Variants in GABARAPL2 observed in about 807,000 individuals in gnomAD.
The protein encoded by GABARAPL2 is GABA type A receptor associated protein like 2.
A neutral mutation model predicts 16.9 loss-of-function variants in GABARAPL2; 11 were observed. The ratio of observed to expected loss-of-function variants is 0.65; its 90% CI spans 0.41 to 1.08. The LOEUF (loss-of-function observed/expected upper bound fraction) is 1.08. Among genes scored for constraint, GABARAPL2 ranks in the 50% least tolerant of loss-of-function variants. The pLI is 0.00. For synonymous variants in GABARAPL2, 57 were observed against 50.7 expected (o/e 1.12, Z -0.53); for missense variants, 134 against 142.5 (o/e 0.94, Z 0.30).
intron 3 of GABARAPL2, among the ~76,000 whole-genome samples, chr16:75,573,227 C>T (rs2080926984): frequency 6.6e-6 from 1 of 152,268 alleles, no homozygotes; most frequent in Admixed American, 6.5e-5. Context: ...TCTCCCTGCA[C>T]TTCCATTTGC....
At chr16:75,566,571 GC>G in intron 1 of GABARAPL2, 51 bp downstream of exon 1, 1 of 1,594,320 alleles carries the variant, frequency 6.3e-7, no homozygotes, top group South Asian at 1.1e-5. Flanking sequence ...CGGCGGGTGG[GC>G]CCCCTCCCCC....
chr16:75,577,033 A>G, intron 3 of GABARAPL2: 1 of 386,564 alleles, frequency 2.6e-6, no homozygotes, highest in Admixed American at 4.0e-5. Flanking sequence ...AGCCAGCCAA[A>G]GCCCCCTGAA....
intron 3 of GABARAPL2, among the ~76,000 whole-genome samples, chr16:75,569,543 C>T (rs1214133080): frequency 2.0e-5 from 3 of 152,224 alleles, no homozygotes; most frequent in African/African-American, 7.2e-5. Flanking sequence ...TCTTTCATAA[C>T]ATCTGCAACT....
chr16:75,566,979 A>G (rs182503917), intron 2 of GABARAPL2, 72 bp downstream of exon 2: 2 of 1,266,254 alleles, frequency 1.6e-6, no homozygotes, highest in Non-Finnish European at 2.3e-6. Context: ...GCCCCAGGCC[A>G]TTCAACAGTT....
intron 3 of GABARAPL2, chr16:75,572,486 C>T (rs2080921321): frequency 6.6e-6 from 1 of 152,340 alleles, no homozygotes; most frequent in Non-Finnish European, 1.5e-5. Context: ...GATTGGGCAT[C>T]CATACAGTTC....
intron 3 of GABARAPL2, among the ~76,000 whole-genome samples, chr16:75,570,456 G>T (rs1458235375): frequency 6.6e-6 from 1 of 152,158 alleles, no homozygotes; most frequent in African/African-American, 2.4e-5. Flanking sequence ...TTCCTTAGGG[G>T]AGCATGGAGC....
rs555929711 is a variant in GABARAPL2 at position 75,567,583 on chromosome 16, C to T, written c.91-454C>T. Among the ~76,000 whole-genome samples the T allele has an allele frequency of 4.6e-5, 7 of 152,296 alleles. No individual in the cohort carries two copies. In the South Asian group the frequency reaches 1.4e-3, roughly 32 times the overall value. On this transcript the variant is annotated intron_variant, in intron 2 of 3. Coordinates refer to ENST00000037243, the MANE Select transcript of GABARAPL2 (RefSeq NM_007285.7). ...AACTTGTTCAGAGAGGAGCAACAGG[C>T]CAAATGAAGAACTTGGTTCTTGGCT...
chr16:75,570,485 A>C (rs1367319076), intron 3 of GABARAPL2, among the ~76,000 whole-genome samples: 1 of 152,136 alleles, frequency 6.6e-6, no homozygotes, highest in East Asian at 1.9e-4. Context: ...ACCTTCATGC[A>C]GTGCTTGCTG....
chr16:75,568,440 C>T (rs2080896600), intron 3 of GABARAPL2: 2 of 380,024 alleles, frequency 5.3e-6, no homozygotes, highest in Non-Finnish European at 9.5e-6. Flanking sequence ...TGATGAAACT[C>T]AGCCTAAGAT....
intron 3 of GABARAPL2, chr16:75,575,896 G>T (rs764576661): frequency 3.3e-5 from 5 of 152,170 alleles, no homozygotes; most frequent in African/African-American, 1.2e-4. Flanking sequence ...TCAAAATTGA[G>T]CTATTTTGCT....
rs1031328987 is a variant in GABARAPL2, at chr16:75,568,016, G to T, written c.91-21G>T. 6.3e-6 allele frequency: 10 copies of T among 1,586,900 alleles called. No individual in the cohort carries two copies. In the African/African-American group the frequency reaches 1.3e-4, roughly 21 times the overall value. ...GCCTCGCTTTAGGAAACACAGTCCTGACCTCTCTTTACTTTCCCAGGTGAT... is the reference window on the plus strand; with the variant it reads ...GCCTCGCTTTAGGAAACACAGTCCTTACCTCTCTTTACTTTCCCAGGTGAT... On this transcript the variant is annotated intron_variant, in intron 2 of 3. Coordinates refer to ENST00000037243, the MANE Select transcript of GABARAPL2 (RefSeq NM_007285.7).
chr16:75,570,987 C>T (rs761115297), intron 3 of GABARAPL2, among the ~76,000 whole-genome samples: 5 of 152,140 alleles, frequency 3.3e-5, no homozygotes, highest in Non-Finnish European at 7.3e-5. Context: ...GGTCTTTGGT[C>T]TTTGTTTGTT....
Position 75,566,697 on chromosome 16 carries a change from G to A in GABARAPL2, c.35-155G>A, listed in dbSNP as rs538118977. 6 of 958,368 alleles carry A rather than the reference G, an allele frequency of 6.3e-6. No homozygotes were observed. The African/African-American group carries it at 6.5e-5, about 10-fold the overall frequency. The allele number at this position is 958,368 out of a possible 1,614,324, so 59.4% of individuals were successfully genotyped here. Reference sequence around the variant, plus strand: ...CCTGACCCCATGTCACCCTCCGCGGGCCTTGCTGGGAGCTAGTAGGGGACA... The same window carrying A: ...CCTGACCCCATGTCACCCTCCGCGGACCTTGCTGGGAGCTAGTAGGGGACA... On this transcript the variant is annotated intron_variant, in intron 1 of 3. Transcript: ENST00000037243.
At position 75,577,130 on chromosome 16, in the gene GABARAPL2, G is replaced by T. The variant is rs1567446832; in HGVS notation, c.264-149G>T. On this transcript the variant is annotated intron_variant, in intron 3 of 3. Coordinates refer to ENST00000037243, the MANE Select transcript of GABARAPL2 (RefSeq NM_007285.7). ...CTTCATTTATTTTAATCTTTTTATG[G>T]CTCCTTTCTCTTGCTTTAAAACAGG... The T allele has an allele frequency of 1.7e-6, 1 of 582,946 alleles. No individual in the cohort carries two copies. Among genetic ancestry groups the T allele is most frequent in the Non-Finnish European group, 3.1e-6 (1 of 324,106 alleles). 36.1% of individuals were successfully genotyped at this position (582,946 alleles called of 1,614,324 possible). A position where few individuals can be genotyped will look rare whatever the true frequency, so the allele number is the denominator to read the frequency against.
chr16:75,574,157 C>T (rs1038525943), intron 3 of GABARAPL2, among the ~76,000 whole-genome samples: 2 of 152,196 alleles, frequency 1.3e-5, no homozygotes. Flanking sequence ...GACCTGCCTT[C>T]AACAGTAGCG....
intron 3 of GABARAPL2, chr16:75,568,448 G>C (rs1376109583): frequency 1.4e-5 from 5 of 364,936 alleles, no homozygotes; most frequent in Non-Finnish European, 2.5e-5. Context: ...CTCAGCCTAA[G>C]ATCTCCAAGA....
Position 75,566,447 on chromosome 16 carries a change from C to T in GABARAPL2, c.-40C>T, listed in dbSNP as rs755732587. The T allele has an allele frequency of 6.7e-6, 10 of 1,496,124 alleles. No individual in the cohort carries two copies. The highest frequency in any genetic ancestry group is 7.4e-6 in the Non-Finnish European group (8 of 1,084,708). 92.7% of individuals were successfully genotyped at this position (1,496,124 alleles called of 1,614,324 possible). ...GTTGTGCTCGGTGCGCTGAGCTCCG[C>T]GGCTCCGCGAGCCGGTTCCGTCCCC... On this transcript the variant is annotated 5_prime_UTR_variant, in exon 1 of 4. Transcript: ENST00000037243.
Position 75,577,710 on chromosome 16 carries a change from G to T in GABARAPL2, c.*341G>T, listed in dbSNP as rs2080958330. On this transcript the variant is annotated 3_prime_UTR_variant, in exon 4 of 4. Coordinates refer to ENST00000037243, the MANE Select transcript of GABARAPL2 (RefSeq NM_007285.7). The stretch of plus-strand genomic sequence containing the variant: ...GATGCATTTATTCTGGGTTATGCTT[G>T]AAGTGTTAGATGGCTAAGTATTAAA... The T allele has an allele frequency of 5.2e-6, 1 of 193,160 alleles. No individual in the cohort carries two copies. Among genetic ancestry groups the T allele is most frequent in the Non-Finnish European group, 1.1e-5 (1 of 92,688 alleles). 12.0% of individuals were successfully genotyped at this position (193,160 alleles called of 1,614,324 possible). A position where few individuals can be genotyped will look rare whatever the true frequency, so the allele number is the denominator to read the frequency against.
At chr16:75,571,942 T>G (rs972096804) in intron 3 of GABARAPL2, among the ~76,000 whole-genome samples, 18 of 152,254 alleles carry the variant, frequency 1.2e-4, no homozygotes, top group African/African-American at 4.3e-4. Flanking sequence ...CCTCCCAAAG[T>G]GCTGGGATTA....
Sources: allele counts gnomAD v4.1 joint callset (sites outside exome capture counted in the v4.1 genomes callset), GRCh38; gene constraint gnomAD v4.1.1; transcripts MANE v1.5; gene names NCBI Gene and HGNC (gene_info 2026-07-23, HGNC 2026-07-21).